The following EYS variants were observed in gnomAD, a reference collection of about 807,000 sequenced individuals.
EYS encodes protein eyes shut homolog.
Under a neutral mutation model 282.1 loss-of-function variants are expected in EYS, and 250 were observed. That is an observed-to-expected ratio of 0.89 (90% CI 0.80 to 0.98). The LOEUF (loss-of-function observed/expected upper bound fraction) is 0.98, where lower values mean the gene tolerates loss of function less well. Among genes scored for constraint, EYS ranks in the 50% least tolerant of loss-of-function variants. The pLI, the probability that EYS is intolerant of heterozygous loss-of-function variation, is 0.00. For missense variants in EYS, 4,016 were observed against 3,709.0 expected, an observed-to-expected ratio of 1.08 and a Z score of -2.15; for synonymous variants, 1,355 against 1,282.9, an observed-to-expected ratio of 1.06 and a Z score of -1.20.
intron 13 of EYS, among the ~76,000 whole-genome samples, chr6:65,018,643 G>T (rs1309461966): frequency 6.6e-6 from 1 of 152,190 alleles, no homozygotes; most frequent in Non-Finnish European, 1.5e-5. Context: ...GTGTTTTGAT[G>T]TGAAGGAAGC....
intron 22 of EYS, among the ~76,000 whole-genome samples, chr6:64,662,719 A>G (rs1281504666): frequency 6.6e-6 from 1 of 152,190 alleles, no homozygotes; most frequent in Admixed American, 6.5e-5. Context: ...CAGGTTTTGT[A>G]TAACATTTTA....
chr6:63,797,339 C>T (rs1000809124), intron 37 of EYS: 20 of 152,094 alleles, frequency 1.3e-4, no homozygotes, highest in Admixed American at 1.3e-3. Flanking sequence ...AAATATATAT[C>T]TAGGTCGATA....
intron 35 of EYS, among the ~76,000 whole-genome samples, chr6:63,951,335 C>G (rs1368892163): frequency 6.6e-6 from 1 of 152,156 alleles, no homozygotes; most frequent in African/African-American, 2.4e-5. Context: ...CCTACAAGAT[C>G]TAGGTAATTC....
intron 22 of EYS, among the ~76,000 whole-genome samples, chr6:64,726,543 A>G (rs1278677677): frequency 2.6e-5 from 4 of 152,172 alleles, no homozygotes; most frequent in African/African-American, 7.2e-5. Context: ...TATTTCTACC[A>G]AAATGTTCAG....
intron 31 of EYS, among the ~76,000 whole-genome samples, chr6:64,184,464 CTG>C (rs1764876346): frequency 1.3e-5 from 2 of 152,118 alleles, no homozygotes; most frequent in Admixed American, 1.3e-4. Context: ...CACTTCACTT[CTG>C]TAAGTAAGAA....
intron 26 of EYS, among the ~76,000 whole-genome samples, chr6:64,550,001 C>T (rs537947090): frequency 1.3e-5 from 2 of 152,096 alleles, no homozygotes; most frequent in South Asian, 4.2e-4. Flanking sequence ...GTTTTTTGTC[C>T]TTGCGATAGT....
intron 35 of EYS, among the ~76,000 whole-genome samples, chr6:63,874,623 CA>C (rs538796871): frequency 8.1e-4 from 123 of 152,064 alleles, no homozygotes; most frequent in African/African-American, 2.7e-3. Context: ...TCTTCCTATC[CA>C]TGAGCATGGA....
intron 35 of EYS, among the ~76,000 whole-genome samples, chr6:63,981,900 C>A (rs1016672202): frequency 2.0e-5 from 3 of 151,794 alleles, no homozygotes; most frequent in Non-Finnish European, 4.4e-5. Context: ...TCTTAGTTGG[C>A]TCTCAGACAA....
intron 33 of EYS, among the ~76,000 whole-genome samples, chr6:64,050,404 C>T (rs976913933): frequency 6.6e-6 from 1 of 152,180 alleles, no homozygotes; most frequent in African/African-American, 2.4e-5. Flanking sequence ...GTCAGAAACA[C>T]ATTTTTCCCT....
chr6:65,042,142 T>C (rs1259770636), intron 13 of EYS, among the ~76,000 whole-genome samples: 2 of 151,782 alleles, frequency 1.3e-5, no homozygotes, highest in African/African-American at 4.8e-5. Flanking sequence ...TCATTTTTAC[T>C]TCTGGTCTGG....
Position 65,197,948 on chromosome 6 carries a change from C to A in EYS, c.2023+97915G>T, listed in dbSNP as rs373195920. On this transcript the variant is annotated intron_variant, in intron 12 of 42. Coordinates refer to ENST00000503581, the MANE Select transcript of EYS (RefSeq NM_001142800.2). Reference sequence around the variant, plus strand: ...TTTTTTCTTTCTTCTATAATAAATTCATCTTAGCTAACAGCAACATTTTTA... The same window carrying A: ...TTTTTTCTTTCTTCTATAATAAATTAATCTTAGCTAACAGCAACATTTTTA... 6.1e-4 allele frequency among the ~76,000 whole-genome samples: 93 copies of A among 152,052 alleles called. No individual in the cohort carries two copies. The South Asian group carries it at 0.018, about 30-fold the overall frequency.
chr6:64,527,924 T>A (rs921217201), intron 26 of EYS, among the ~76,000 whole-genome samples: 5 of 151,684 alleles, frequency 3.3e-5, no homozygotes, highest in Admixed American at 6.6e-5. Flanking sequence ...AGAAAAACAT[T>A]CCGTTTGCTT....
At chr6:63,764,094 T>C (rs1339088782) in intron 40 of EYS, among the ~76,000 whole-genome samples, 1 of 151,330 alleles carries the variant, frequency 6.6e-6, no homozygotes, top group African/African-American at 2.4e-5. Context: ...AACTTAAAAT[T>C]CCTGTCAGAG....
At chr6:65,285,119 T>C (rs1356285645) in intron 12 of EYS, among the ~76,000 whole-genome samples, 1 of 152,004 alleles carries the variant, frequency 6.6e-6, no homozygotes, top group Non-Finnish European at 1.5e-5. Flanking sequence ...ACGTGGTATC[T>C]TTTACAAAAT....
In EYS at chr6:65,194,394, CT is replaced by C. The variant is rs148761036; in HGVS notation, c.2023+101468del. Among the ~76,000 whole-genome samples the C allele has an allele frequency of 2.7e-4, 41 of 151,908 alleles. No individual in the cohort carries two copies. The East Asian group carries it at 7.0e-3, about 26-fold the overall frequency. On this transcript the variant is annotated intron_variant, in intron 12 of 42. Transcript: ENST00000503581. ...ACAACAGAATATTCATAGTCACATTCTTTTTATGTTAAATTTAAGTTTTAAA... is the reference window on the plus strand; with the variant it reads ...ACAACAGAATATTCATAGTCACATTCTTTTATGTTAAATTTAAGTTTTAAA...
intron 11 of EYS, among the ~76,000 whole-genome samples, chr6:65,309,083 A>G (rs1250255114): frequency 6.6e-6 from 1 of 152,174 alleles, no homozygotes; most frequent in Non-Finnish European, 1.5e-5. Context: ...AAATTAGAAA[A>G]AACTAGTGTG....
intron 13 of EYS, among the ~76,000 whole-genome samples, chr6:65,025,569 G>T (rs1039937293): frequency 2.6e-5 from 4 of 152,088 alleles, no homozygotes; most frequent in Admixed American, 2.6e-4. Context: ...GTATAAGACT[G>T]GTACTCTGGT....
intron 33 of EYS, among the ~76,000 whole-genome samples, chr6:64,018,579 A>AT (rs990527615): frequency 3.9e-5 from 6 of 152,040 alleles, no homozygotes; most frequent in Admixed American, 6.6e-5. Context: ...TCATATGCTG[A>AT]TGTCTAGCAT....
intron 12 of EYS, among the ~76,000 whole-genome samples, chr6:65,088,205 C>A (rs1024143061): frequency 6.6e-6 from 1 of 152,046 alleles, no homozygotes; most frequent in Non-Finnish European, 1.5e-5. Context: ...AAATCGGTAC[C>A]ACAGAGAGTG....
Sources: allele counts gnomAD v4.1 joint callset (sites outside exome capture counted in the v4.1 genomes callset), GRCh38; gene constraint gnomAD v4.1.1; transcripts MANE v1.5; gene names NCBI Gene and HGNC (gene_info 2026-07-23, HGNC 2026-07-21).